Variants in RELB observed in about 807,000 individuals in gnomAD.
The protein encoded by RELB is transcription factor RelB.
Under a neutral mutation model 55.4 loss-of-function variants are expected in RELB, and 14 were observed. The observed-to-expected ratio is 0.25, with a 90% CI of 0.17 to 0.40. The LOEUF (loss-of-function observed/expected upper bound fraction) is 0.40. RELB is among the 10% of genes least tolerant of loss of function. The pLI is 1.00. For missense variants in RELB, 669 were observed against 830.7 expected, an observed-to-expected ratio of 0.81 and a Z score of 2.39; for synonymous variants, 409 against 371.3, an observed-to-expected ratio of 1.10 and a Z score of -1.17.
intron 2 of RELB, among the ~76,000 whole-genome samples, chr19:45,008,039 G>A (rs1343210681): frequency 7.1e-6 from 1 of 141,036 alleles, no homozygotes; most frequent in African/African-American, 2.6e-5. Context: ...GTGTGGTGGT[G>A]TGCACCTGTA....
At position 45,032,637 on chromosome 19, in the gene RELB, C is replaced by G; in HGVS notation, c.1095C>G (p.Pro365=). Residue 365 remains proline (P), a synonymous_variant, in exon 9 of 12, where the codon CCC becomes CCG. Coordinates refer to ENST00000221452, the MANE Select transcript of RELB (RefSeq NM_006509.4). ...TTGCCATTGTGTTCAAGACGCCGCC[C>G]TACGAGGACCTGGAGATTGTCGAGC... The part of the protein sequence containing the change: ...RQIAIVFKTP[P]YEDLEIVEPV... 2 of 1,612,978 alleles carry G rather than the reference C, an allele frequency of 1.2e-6. No individual in the cohort carries two copies. The highest frequency in any genetic ancestry group is 1.7e-6 in the Non-Finnish European group (2 of 1,179,562).
At chr19:45,031,205 T>C (rs1409018596) in intron 8 of RELB, among the ~76,000 whole-genome samples, 1 of 151,730 alleles carries the variant, frequency 6.6e-6, no homozygotes, top group Non-Finnish European at 1.5e-5. Flanking sequence ...TCAGTTTCCG[T>C]TTTTGTTTTT....
chr19:45,037,998 G>A lies in RELB; in HGVS notation c.*208G>A, dbSNP rs1971720555. On this transcript the variant is annotated 3_prime_UTR_variant, in exon 12 of 12. Coordinates refer to ENST00000221452, the MANE Select transcript of RELB (RefSeq NM_006509.4). Reference sequence around the variant, plus strand: ...GGAAACTGAGTCCGGAGAGGAAAAGGGACATGGCTCCCGTGCACTAGCTTG... The same window carrying A: ...GGAAACTGAGTCCGGAGAGGAAAAGAGACATGGCTCCCGTGCACTAGCTTG... 4.4e-6 allele frequency: 2 copies of A among 456,562 alleles called. No individual in the cohort carries two copies. The highest frequency in any genetic ancestry group is 7.1e-5 in the East Asian group (2 of 28,206). The allele number at this position is 456,562 out of a possible 1,614,324, so 28.3% of individuals were successfully genotyped here.
chr19:45,023,906 A>G (rs1295047383), intron 5 of RELB, among the ~76,000 whole-genome samples: 52 of 149,642 alleles, frequency 3.5e-4, no homozygotes, highest in African/African-American at 1.3e-3. Context: ...GCCAGCCACC[A>G]CACCTGGCTA....
Position 45,011,983 on chromosome 19 carries a change from G to A in RELB, c.211G>A (p.Gly71Arg). 1 of 1,573,472 alleles carries A rather than the reference G, an allele frequency of 6.4e-7. No homozygotes were observed. Among genetic ancestry groups the A allele is most frequent in the East Asian group, 2.4e-5 (1 of 41,742 alleles). Residue 71 changes from glycine (G) to arginine (R), a missense_variant, in exon 4 of 12, where the codon GGA (glycine) becomes AGA (arginine). Transcript: ENST00000221452. ...IKENGFGLDG[G>R]QPGPGEGLPR... ...GGAGAACGGCTTCGGCCTGGACGGG[G>A]GACAGCCGGGCCCGGGCGAGGGGCT...
intron 4 of RELB, chr19:45,021,729 C>A (rs1183395764): frequency 3.9e-5 from 8 of 203,814 alleles, no homozygotes; most frequent in Non-Finnish European, 7.0e-5. Flanking sequence ...CATGCGCCAC[C>A]ATGCCGGGCT....
chr19:45,032,404 G>A, intron 8 of RELB, 130 bp from the exon 9 acceptor site: 1 of 695,988 alleles, frequency 1.4e-6, no homozygotes. Context: ...GGGCAACAGA[G>A]CAAGACTCTC....
intron 5 of RELB, among the ~76,000 whole-genome samples, chr19:45,024,729 T>C (rs1166488687): frequency 4.0e-5 from 6 of 151,352 alleles, no homozygotes; most frequent in Non-Finnish European, 5.9e-5. Context: ...TTTGTATTTT[T>C]AGTAGAGACA....
intron 4 of RELB, among the ~76,000 whole-genome samples, chr19:45,016,737 A>T (rs1279119118): frequency 1.3e-5 from 2 of 152,204 alleles, no homozygotes; most frequent in Non-Finnish European, 2.9e-5. Context: ...CATGCCTGTA[A>T]GCCCAGATGT....
At chr19:45,012,554 G>T (rs1971375095) in intron 4 of RELB, among the ~76,000 whole-genome samples, 1 of 151,986 alleles carries the variant, frequency 6.6e-6, no homozygotes, top group Non-Finnish European at 1.5e-5. Flanking sequence ...GACCAGCCTG[G>T]CCAACATGGT....
intron 6 of RELB, 65 bp from the exon 7 acceptor site, chr19:45,025,541 T>G: frequency 1.9e-6 from 3 of 1,598,112 alleles, no homozygotes; most frequent in Non-Finnish European, 2.6e-6. Flanking sequence ...CCCTTCCCCG[T>G]TCCCCTGTAC....
rs756053505 is a variant in RELB at position 45,027,957 on chromosome 19, T to G, written c.887-931T>G. 3.9e-5 allele frequency among the ~76,000 whole-genome samples: 6 copies of G among 152,184 alleles called. No homozygotes were observed. In the South Asian group the frequency reaches 6.2e-4, roughly 16 times the overall value. On this transcript the variant is annotated intron_variant, in intron 7 of 11. Transcript: ENST00000221452. The stretch of plus-strand genomic sequence containing the variant: ...ATGCAGTGGTGCAGTCATAGCTTAC[T>G]GCAGCCTGAACTCCTGGGCTCAAGT...
chr19:45,010,101 A>G (rs927365613), intron 3 of RELB, among the ~76,000 whole-genome samples: 1 of 151,880 alleles, frequency 6.6e-6, no homozygotes, highest in Non-Finnish European at 1.5e-5. Flanking sequence ...GGAGTTCAGG[A>G]CTAGCCTGGG....
intron 2 of RELB, among the ~76,000 whole-genome samples, chr19:45,004,182 T>C (rs1971254216): frequency 6.6e-6 from 1 of 150,870 alleles, no homozygotes; most frequent in Non-Finnish European, 1.5e-5. Flanking sequence ...CCTCCCAAAG[T>C]GCTGGGATTA....
At chr19:45,037,031 CA>C (rs1971693753) in intron 11 of RELB, among the ~76,000 whole-genome samples, 1 of 152,180 alleles carries the variant, frequency 6.6e-6, no homozygotes, top group Non-Finnish European at 1.5e-5. Context: ...GTAATCCCAG[CA>C]CTTTGGGAGG....
chr19:45,007,952 C>G (rs561671463), intron 2 of RELB, among the ~76,000 whole-genome samples: 1 of 137,276 alleles, frequency 7.3e-6, no homozygotes, highest in Non-Finnish European at 1.5e-5. Flanking sequence ...GTCAGGAGAT[C>G]GAGACTAGCC....
chr19:45,019,835 G>A lies in RELB; in HGVS notation c.505-2218G>A, dbSNP rs565286606. ...TGGGACTACAGGCATGTGCCACCACGTGCGGCTAATTTTGTATTTTTAGTA... is the reference window on the plus strand; with the variant it reads ...TGGGACTACAGGCATGTGCCACCACATGCGGCTAATTTTGTATTTTTAGTA... On this transcript the variant is annotated intron_variant, in intron 4 of 11. Coordinates refer to ENST00000221452, the MANE Select transcript of RELB (RefSeq NM_006509.4). Among the ~76,000 whole-genome samples, 21 of 152,138 alleles carry A rather than the reference G, an allele frequency of 1.4e-4. 1 individual carries two copies. In the South Asian group the frequency reaches 2.7e-3, roughly 20 times the overall value.
At chr19:45,012,297 C>CAGTCCCACCCGCCCG in intron 4 of RELB, 21 bp downstream of exon 4, 2 of 1,365,896 alleles carry the variant, frequency 1.5e-6, no homozygotes, top group Non-Finnish European at 1.9e-6. Context: ...CGAGCGGCCC[C>CAGTCCCACCCGCCCG]GGGCGGGTGG....
intron 7 of RELB, among the ~76,000 whole-genome samples, chr19:45,026,553 G>A (rs201304637): frequency 1.3e-5 from 2 of 151,080 alleles, no homozygotes; most frequent in Non-Finnish European, 1.5e-5. Flanking sequence ...CAAAAAACAA[G>A]AAAAAAAAAC....
Sources: allele counts gnomAD v4.1 joint callset (sites outside exome capture counted in the v4.1 genomes callset), GRCh38; gene constraint gnomAD v4.1.1; transcripts MANE v1.5; gene names NCBI Gene and HGNC (gene_info 2026-07-23, HGNC 2026-07-21).